Variants in ATF6 observed in about 807,000 individuals in gnomAD.
The protein encoded by ATF6 is cyclic AMP-dependent transcription factor ATF-6 alpha.
In ATF6, 53 loss-of-function variants were observed where a neutral mutation model predicts 83.6. The ratio of observed to expected loss-of-function variants is 0.63; its 90% CI spans 0.51 to 0.80. The LOEUF (loss-of-function observed/expected upper bound fraction) is 0.80, where lower values mean the gene tolerates loss of function less well. Ranked by LOEUF, ATF6 falls within the 30% of genes least tolerant of loss-of-function variation. The probability of loss-of-function intolerance (pLI) is 0.00; values close to 1 mark genes in which losing one functional copy is unlikely to be tolerated. For synonymous variants in ATF6, 288 were observed against 285.8 expected, an observed-to-expected ratio of 1.01 and a Z score of -0.08; for missense variants, 744 against 797.9, an observed-to-expected ratio of 0.93 and a Z score of 0.81.
At chr1:161,792,402 A>G in intron 6 of ATF6, 75 bp downstream of exon 6, 1 of 1,407,496 alleles carries the variant, frequency 7.1e-7, no homozygotes, top group Middle Eastern at 1.8e-4. Context: ...ATTTGTTTTA[A>G]TTCAGGTTAT....
intron 14 of ATF6, among the ~76,000 whole-genome samples, chr1:161,903,101 T>G (rs4278352): frequency 0.14 from 21,564 of 152,188 alleles, 2,094 homozygotes; most frequent in East Asian, 0.33. Flanking sequence ...CTTCCAACTC[T>G]GCTCTCCACC....
intron 7 of ATF6, 107 bp from the exon 8 acceptor site, chr1:161,819,526 C>A: frequency 1.1e-6 from 1 of 875,960 alleles, no homozygotes; most frequent in Non-Finnish European, 1.6e-6. Context: ...GTAACCTATG[C>A]TTTGAAAAAA....
At chr1:161,843,270 G>T (rs564294794) in intron 9 of ATF6, among the ~76,000 whole-genome samples, 1 of 124,260 alleles carries the variant, frequency 8.0e-6, no homozygotes, top group Non-Finnish European at 1.8e-5. Flanking sequence ...CACAGACAGT[G>T]ACCTTGGCTG....
chr1:161,805,487 T>G (rs1685256612), intron 7 of ATF6, among the ~76,000 whole-genome samples: 1 of 151,944 alleles, frequency 6.6e-6, no homozygotes, highest in Non-Finnish European at 1.5e-5. Context: ...TCAATATGAG[T>G]TTTTTTGGTA....
At chr1:161,805,289 T>A (rs571077527) in intron 7 of ATF6, among the ~76,000 whole-genome samples, 1 of 152,168 alleles carries the variant, frequency 6.6e-6, no homozygotes, top group African/African-American at 2.4e-5. Context: ...CCCTTAAGAG[T>A]ACAAAAGCCA....
rs771411815 is a variant in ATF6 at position 161,792,214 on chromosome 1, C to A, written c.575C>A (p.Thr192Asn). The A allele has an allele frequency of 6.2e-7, 1 of 1,614,148 alleles. No individual in the cohort carries two copies. The highest frequency in any genetic ancestry group is 8.5e-7 in the Non-Finnish European group (1 of 1,180,000). The change falls in exon 6 of 16, where the codon ACT (threonine) becomes AAT (asparagine). Residue 192 changes from threonine to asparagine, a missense_variant. Coordinates refer to ENST00000367942, the MANE Select transcript of ATF6 (RefSeq NM_007348.4). Reference protein sequence around the residue: ...KPLLLPAAPKTQTNSSVPAKT... With the variant: ...KPLLLPAAPKNQTNSSVPAKT... ...TTATTGCTTCCAGCAGCACCCAAGA[C>A]TCAAACAAACTCCAGTGTTCCAGCA... is the stretch of plus-strand genomic sequence containing the variant.
At position 161,960,907 on chromosome 1, in the gene ATF6, A is replaced by G. The variant is rs1689084999; in HGVS notation, c.*2253A>G. 6.6e-6 allele frequency: 1 copy of G among 152,248 alleles called. No homozygotes were observed. The highest frequency in any genetic ancestry group is 1.5e-5 in the Non-Finnish European group (1 of 68,062). The allele number at this position is 152,248 out of a possible 1,614,324, so 9.4% of individuals were successfully genotyped here. On this transcript the variant is annotated 3_prime_UTR_variant, in exon 16 of 16. Transcript: ENST00000367942. ...ACCATGGCTAGTAGACAGTGGCAAC[A>G]TAGTCATCCCCAAGATGCTAATCTT...
intron 12 of ATF6, among the ~76,000 whole-genome samples, chr1:161,856,557 T>C (rs1686767139): frequency 6.6e-6 from 1 of 152,156 alleles, no homozygotes; most frequent in South Asian, 2.1e-4. Flanking sequence ...TATCCAGAGC[T>C]CTGGTGGCAA....
chr1:161,878,796 G>C (rs73019345), intron 14 of ATF6, among the ~76,000 whole-genome samples: 161 of 152,240 alleles, frequency 1.1e-3, no homozygotes, highest in African/African-American at 3.7e-3. Flanking sequence ...CAACATGAAA[G>C]TCACTGATAC....
At chr1:161,925,384 T>A (rs1688292466) in intron 15 of ATF6, among the ~76,000 whole-genome samples, 1 of 152,228 alleles carries the variant, frequency 6.6e-6, no homozygotes, top group South Asian at 2.1e-4. Context: ...CTACCAAGCT[T>A]TTTAATTTTA....
intron 1 of ATF6, among the ~76,000 whole-genome samples, chr1:161,771,761 A>T (rs61801250): frequency 6.6e-6 from 1 of 152,110 alleles, no homozygotes; most frequent in Non-Finnish European, 1.5e-5. Flanking sequence ...CTACAGACAC[A>T]TGCCACCATG....
chr1:161,830,962 C>T (rs1381748479), intron 9 of ATF6, among the ~76,000 whole-genome samples: 1 of 152,148 alleles, frequency 6.6e-6, no homozygotes, highest in Non-Finnish European at 1.5e-5. Context: ...TCTAATTAAA[C>T]TAAAGAGCTT....
chr1:161,861,619 G>A (rs776323472), intron 13 of ATF6, among the ~76,000 whole-genome samples: 1 of 152,086 alleles, frequency 6.6e-6, no homozygotes, highest in Non-Finnish European at 1.5e-5. Flanking sequence ...TTCATTATTT[G>A]TGGATTCCAT....
At chr1:161,880,350 G>GTA (rs1411729858) in intron 14 of ATF6, among the ~76,000 whole-genome samples, 7 of 146,658 alleles carry the variant, frequency 4.8e-5, no homozygotes, top group African/African-American at 1.0e-4. Context: ...GTGTGTGTGT[G>GTA]TATATATGTA....
intron 14 of ATF6, among the ~76,000 whole-genome samples, chr1:161,880,008 A>G (rs1687290362): frequency 6.6e-6 from 1 of 152,098 alleles, no homozygotes; most frequent in Non-Finnish European, 1.5e-5. Flanking sequence ...TGCCCTTATT[A>G]CTTTCTGAGG....
intron 2 of ATF6, among the ~76,000 whole-genome samples, chr1:161,780,624 C>T (rs983935113): frequency 3.3e-5 from 5 of 152,122 alleles, no homozygotes; most frequent in East Asian, 3.9e-4. Context: ...CCACCTGCCT[C>T]GGCTTCCCAA....
intron 9 of ATF6, among the ~76,000 whole-genome samples, chr1:161,823,253 A>G (rs1368473840): frequency 6.6e-6 from 1 of 152,180 alleles, no homozygotes; most frequent in Non-Finnish European, 1.5e-5. Flanking sequence ...ATGTTAATGA[A>G]GAATAATTAT....
chr1:161,955,598 A>G (rs945560465), intron 15 of ATF6, among the ~76,000 whole-genome samples: 1 of 152,256 alleles, frequency 6.6e-6, no homozygotes, highest in African/African-American at 2.4e-5. Context: ...TAACTGTCCA[A>G]GGGTGTTAGT....
chr1:161,903,670 A>C (rs1687831954), intron 14 of ATF6, among the ~76,000 whole-genome samples: 1 of 152,208 alleles, frequency 6.6e-6, no homozygotes, highest in African/African-American at 2.4e-5. Context: ...CTTTATAAAC[A>C]ATCGGTGCAA....
Sources: allele counts gnomAD v4.1 joint callset (sites outside exome capture counted in the v4.1 genomes callset), GRCh38; gene constraint gnomAD v4.1.1; transcripts MANE v1.5; gene names NCBI Gene and HGNC (gene_info 2026-07-23, HGNC 2026-07-21).